TBL1Y: variants seen among roughly 807,000 people sequenced by gnomAD.
TBL1Y encodes F-box-like/WD repeat-containing protein TBL1Y.
TBL1Y carries 15 observed loss-of-function variants against 12.0 expected under a neutral mutation model. The ratio of observed to expected loss-of-function variants is 1.25; its 90% CI spans 0.83 to 1.92. TBL1Y has a LOEUF of 1.92. Among genes scored for constraint, TBL1Y ranks in the 40% most tolerant of loss-of-function variants. TBL1Y has a pLI of 0.00. For missense variants in TBL1Y, 148 were observed against 116.7 expected (o/e 1.27, Z -1.24); for synonymous variants, 53 against 42.6 (o/e 1.24, Z -0.95).
chrY:7,052,030 C>T, intron 7 of TBL1Y, among the ~76,000 whole-genome samples: 1 of 33,873 alleles, frequency 3.0e-5, no homozygotes, highest in Non-Finnish European at 7.3e-5. Flanking sequence ...TCCACAAAGG[C>T]AGGATGACAC....
At chrY:6,995,404 G>A in intron 3 of TBL1Y, among the ~76,000 whole-genome samples, 1 of 32,615 alleles carries the variant, frequency 3.1e-5, no homozygotes, top group Admixed American at 2.8e-4. Context: ...AGACACTTTG[G>A]CAGGGTGGCT....
At chrY:7,021,649 G>A (rs765906973) in intron 5 of TBL1Y, 112 bp downstream of exon 5, 70 of 33,467 alleles carry the variant, frequency 2.1e-3, no homozygotes, top group Admixed American at 0.013. Context: ...TTATGTTTTC[G>A]GGGAAAGTGG....
intron 6 of TBL1Y, among the ~76,000 whole-genome samples, chrY:7,033,108 A>C (rs2012665517): frequency 3.0e-5 from 1 of 33,438 alleles, no homozygotes; most frequent in African/African-American, 1.2e-4. Flanking sequence ...AGAAGAAAAG[A>C]GACAAGAATC....
chrY:7,012,694 G>A (rs769664725), intron 4 of TBL1Y, among the ~76,000 whole-genome samples: 4 of 33,809 alleles, frequency 1.2e-4, no homozygotes, highest in East Asian at 1.6e-3. Flanking sequence ...CTCCTATTAC[G>A]TACCGAATCC....
rs77292933 is a variant in TBL1Y, at chrY:7,048,857, CATATG to C, written c.204+5734_204+5738del. On this transcript the variant is annotated intron_variant, in intron 7 of 18. Transcript: ENST00000383032. Reference sequence around the variant, plus strand: ...TTTATTTCCCAAAGATTACTCAAGTCATATGAACTAAGTAAAAGGCATTACATTTT... The same window carrying C: ...TTTATTTCCCAAAGATTACTCAAGTCAACTAAGTAAAAGGCATTACATTTT... Among the ~76,000 whole-genome samples, 13 of 33,779 alleles carry C rather than the reference CATATG, an allele frequency of 3.8e-4. No homozygotes were observed. In the East Asian group the frequency reaches 7.7e-3, roughly 20 times the overall value. The allele number at this position is 33,779 out of a possible 37,273, so 90.6% of individuals were successfully genotyped here. A position where few individuals can be genotyped will look rare whatever the true frequency, so the allele number is the denominator to read the frequency against.
chrY:7,042,755 G>T, intron 6 of TBL1Y: 4 of 77,607 alleles, frequency 5.2e-5, no homozygotes, highest in Non-Finnish European at 7.4e-5. Context: ...CTTGTTCTAA[G>T]ATACCAATTT....
chrY:7,086,319 C>T lies in TBL1Y; in HGVS notation c.1182C>T (p.Val394=). The change falls in exon 16 of 19, where the codon GTC becomes GTT. Residue 394 remains valine (V), a synonymous_variant. Coordinates refer to ENST00000383032, the MANE Select transcript of TBL1Y (RefSeq NM_033284.2). ...KIWSMKQDAC[V]HDLQAHSKEI... ...GGAGTATGAAGCAGGATGCATGCGT[C>T]CACGATCTTCAGGCTCACAGCAAAG... 2 of 383,085 alleles carry T rather than the reference C, an allele frequency of 5.2e-6. No individual in the cohort carries two copies. The highest frequency in any genetic ancestry group is 7.3e-6 in the Non-Finnish European group (2 of 274,897).
At chrY:7,068,135 C>T in intron 8 of TBL1Y, among the ~76,000 whole-genome samples, 1 of 31,307 alleles carries the variant, frequency 3.2e-5, no homozygotes, top group East Asian at 8.5e-4. Flanking sequence ...AACCCCATCT[C>T]TACTAAAAAT....
intron 2 of TBL1Y, among the ~76,000 whole-genome samples, chrY:6,955,397 G>A: frequency 3.0e-5 from 1 of 33,801 alleles, no homozygotes; most frequent in Non-Finnish European, 7.3e-5. Context: ...TGGCACTTTG[G>A]TAAACTTAAT....
At chrY:7,054,583 A>C in intron 7 of TBL1Y, among the ~76,000 whole-genome samples, 1 of 33,897 alleles carries the variant, frequency 3.0e-5, no homozygotes, top group East Asian at 7.8e-4. Context: ...TTTCACTCGC[A>C]GTCCACCACT....
chrY:7,034,589 G>C (rs2012676204), intron 6 of TBL1Y, among the ~76,000 whole-genome samples: 1 of 33,166 alleles, frequency 3.0e-5, no homozygotes, highest in African/African-American at 1.2e-4. Context: ...ATACTACAAG[G>C]CTACAGTAAC....
At chrY:7,010,784 A>T (rs916841790) in intron 4 of TBL1Y, among the ~76,000 whole-genome samples, 1 of 32,755 alleles carries the variant, frequency 3.1e-5, no homozygotes, top group South Asian at 7.1e-4. Flanking sequence ...ATAACACAAA[A>T]ATTAGCCTGG....
At chrY:6,975,998 T>G in intron 2 of TBL1Y, among the ~76,000 whole-genome samples, 1 of 32,171 alleles carries the variant, frequency 3.1e-5, no homozygotes, top group Non-Finnish European at 7.5e-5. Flanking sequence ...ATTGGGGTGA[T>G]CTTGGCTCAC....
chrY:6,986,129 T>C (rs2012315813), intron 3 of TBL1Y, among the ~76,000 whole-genome samples: 1 of 32,154 alleles, frequency 3.1e-5, no homozygotes, highest in Non-Finnish European at 7.6e-5. Context: ...CCCAGTTCAT[T>C]CTTACCACAG....
chrY:7,043,341 G>A, intron 7 of TBL1Y, among the ~76,000 whole-genome samples: 1 of 31,125 alleles, frequency 3.2e-5, no homozygotes, highest in African/African-American at 1.3e-4. Context: ...ACAACCTGGC[G>A]AAACACCATT....
At chrY:7,064,738 C>T in intron 8 of TBL1Y, among the ~76,000 whole-genome samples, 1 of 33,143 alleles carries the variant, frequency 3.0e-5, no homozygotes, top group African/African-American at 1.2e-4. Context: ...TATGTAAGTT[C>T]AGAGCATGCA....
chrY:6,949,483 C>G, intron 2 of TBL1Y, among the ~76,000 whole-genome samples: 1 of 33,741 alleles, frequency 3.0e-5, no homozygotes, highest in Non-Finnish European at 7.4e-5. Context: ...TTTATACATA[C>G]AGTCTACAAC....
At chrY:6,922,920 C>CGG (rs2011793421) in intron 2 of TBL1Y, among the ~76,000 whole-genome samples, 1 of 34,443 alleles carries the variant, frequency 2.9e-5, no homozygotes, top group Non-Finnish European at 7.3e-5. Context: ...GCCGAGACCG[C>CGG]GCGCAGCCCC....
chrY:6,918,157 G>A (rs1015158069), intron 2 of TBL1Y, among the ~76,000 whole-genome samples: 5 of 32,999 alleles, frequency 1.5e-4, no homozygotes, highest in Admixed American at 2.7e-4. Flanking sequence ...GAGCTGCCCC[G>A]AGTCATGCCT....
Sources: allele counts gnomAD v4.1 joint callset (sites outside exome capture counted in the v4.1 genomes callset), GRCh38; gene constraint gnomAD v4.1.1; transcripts MANE v1.5; gene names NCBI Gene and HGNC (gene_info 2026-07-23, HGNC 2026-07-21).